MYLK4: variants seen among roughly 807,000 people sequenced by gnomAD.
MYLK4 encodes the protein caMLCK like.
Under a neutral mutation model 48.1 loss-of-function variants are expected in MYLK4, and 46 were observed. The ratio of observed to expected loss-of-function variants is 0.96; its 90% CI spans 0.75 to 1.22. MYLK4 has a LOEUF of 1.22. Ranked by LOEUF, MYLK4 falls within the 50% of genes most tolerant of loss-of-function variation. The pLI is 0.00. For synonymous variants in MYLK4, 170 were observed against 180.8 expected, an observed-to-expected ratio of 0.94 and a Z score of 0.48; for missense variants, 451 against 486.1, an observed-to-expected ratio of 0.93 and a Z score of 0.68.
intron 2 of MYLK4, chr6:2,744,026 G>T: frequency 2.5e-6 from 1 of 399,108 alleles, no homozygotes; most frequent in Non-Finnish European, 4.4e-6. Flanking sequence ...TCTTCTGAGT[G>T]TGAAGTCCAT....
chr6:2,682,757 A>T (rs946522096), intron 7 of MYLK4, among the ~76,000 whole-genome samples: 2 of 152,156 alleles, frequency 1.3e-5, no homozygotes. Flanking sequence ...TTTTCATTCT[A>T]AACTTTTAGG....
chr6:2,717,876 A>G (rs1369973498), intron 2 of MYLK4, among the ~76,000 whole-genome samples: 2 of 152,120 alleles, frequency 1.3e-5, no homozygotes, highest in Non-Finnish European at 2.9e-5. Context: ...ATTGTGTGAG[A>G]GATATAAGAA....
chr6:2,763,281 T>A, the MYLK4 span, among the ~76,000 whole-genome samples: 1 of 152,178 alleles, frequency 6.6e-6, no homozygotes, highest in Non-Finnish European at 1.5e-5. Context: ...CTCCCATTAA[T>A]TTCTGAACTG....
chr6:2,745,407 C>G (rs185466236), intron 2 of MYLK4, among the ~76,000 whole-genome samples: 1 of 152,152 alleles, frequency 6.6e-6, no homozygotes, highest in Admixed American at 6.5e-5. Context: ...CAGTAGCTAT[C>G]GAGCTCATCA....
intron 2 of MYLK4, among the ~76,000 whole-genome samples, chr6:2,702,683 G>A (rs189480809): frequency 5.3e-5 from 8 of 152,312 alleles, no homozygotes; most frequent in African/African-American, 1.9e-4. Context: ...AGTTGGGGAG[G>A]TGGTAGATGT....
At chr6:2,709,855 G>A (rs1042081163) in intron 2 of MYLK4, among the ~76,000 whole-genome samples, 1 of 152,152 alleles carries the variant, frequency 6.6e-6, no homozygotes, top group Non-Finnish European at 1.5e-5. Context: ...GAGGTGCTAG[G>A]ATTTGACAGC....
chr6:2,677,821 C>T (rs1761135273), intron 10 of MYLK4, among the ~76,000 whole-genome samples: 1 of 152,150 alleles, frequency 6.6e-6, no homozygotes. Context: ...CTACAAAGCA[C>T]TTGGCATGAT....
At chr6:2,675,222 A>C in intron 10 of MYLK4, 97 bp from the exon 11 acceptor site, 1 of 842,826 alleles carries the variant, frequency 1.2e-6, no homozygotes, top group Non-Finnish European at 2.0e-6. Context: ...TCGGGAGACC[A>C]GATGGCCGAA....
At chr6:2,731,421 G>C (rs953750933) in intron 2 of MYLK4, among the ~76,000 whole-genome samples, 2 of 152,170 alleles carry the variant, frequency 1.3e-5, no homozygotes, top group Admixed American at 6.5e-5. Context: ...GCTGCTGGAG[G>C]TGCTTCTCCC....
At chr6:2,705,022 C>T (rs982960162) in intron 2 of MYLK4, among the ~76,000 whole-genome samples, 4 of 152,174 alleles carry the variant, frequency 2.6e-5, no homozygotes, top group Non-Finnish European at 5.9e-5. Flanking sequence ...CACCGATTCT[C>T]GGGTGCTTTT....
At chr6:2,742,815 A>G (rs1346975067) in intron 2 of MYLK4, among the ~76,000 whole-genome samples, 5 of 151,706 alleles carry the variant, frequency 3.3e-5, no homozygotes, top group Non-Finnish European at 7.4e-5. Flanking sequence ...ACATGTATAC[A>G]TATGTAACAA....
At chr6:2,725,896 T>C (rs1171555943) in intron 2 of MYLK4, among the ~76,000 whole-genome samples, 1 of 152,244 alleles carries the variant, frequency 6.6e-6, no homozygotes, top group Non-Finnish European at 1.5e-5. Flanking sequence ...ATAATATACC[T>C]GATAACCGAT....
intron 2 of MYLK4, among the ~76,000 whole-genome samples, chr6:2,693,779 T>C (rs560747459): frequency 1.5e-5 from 2 of 137,550 alleles, no homozygotes; most frequent in East Asian, 4.4e-4. Flanking sequence ...TTTTTTGAGA[T>C]GGAGTTTCGC....
intron 2 of MYLK4, among the ~76,000 whole-genome samples, chr6:2,718,179 CAAAAAAAAA>C (rs10590230): frequency 7.5e-6 from 1 of 133,304 alleles, no homozygotes; most frequent in African/African-American, 2.8e-5. Flanking sequence ...AACTCTGTCT[CAAAAAAAAA>C]AAAAAAAAAA....
intron 2 of MYLK4, chr6:2,743,773 G>C: frequency 2.5e-6 from 1 of 395,900 alleles, no homozygotes; most frequent in Non-Finnish European, 4.4e-6. Context: ...CTGCCCCTAA[G>C]ACCAGGGCCC....
In MYLK4 at chr6:2,749,147, C is replaced by T. The variant is rs2296356; in HGVS notation, c.148G>A (p.Gly50Arg). The T allele has an allele frequency of 0.14, 232,128 of 1,611,970 alleles. 18,705 individuals are homozygous for T. Among genetic ancestry groups the T allele is most frequent in the East Asian group, 0.31 (13,853 of 44,848 alleles). ...KNSGDQDSRS[G>R]HNEAKEVWSN... ...TAGAACATGATTACCTCATTATGTC[C>T]AGATCTTGAATCCTGGTCCCCAGAA... is the stretch of plus-strand genomic sequence containing the variant. The change falls in exon 2 of 13, where the codon GGA becomes AGA. Residue 50 changes from glycine to arginine, a missense_variant. Gly to Arg is a moderately radical substitution (Grantham distance 125). Coordinates refer to ENST00000274643, the MANE Select transcript of MYLK4 (RefSeq NM_001012418.5).
chr6:2,694,517 G>GGCAGTA (rs1761958711), intron 2 of MYLK4, among the ~76,000 whole-genome samples: 2 of 1,504 alleles, frequency 1.3e-3, no homozygotes, highest in African/African-American at 2.8e-3. Flanking sequence ...TGGTGGCGGT[G>GGCAGTA]GTGGTGGTGG....
At chr6:2,709,717 T>C (rs1762607301) in intron 2 of MYLK4, among the ~76,000 whole-genome samples, 1 of 152,250 alleles carries the variant, frequency 6.6e-6, no homozygotes, top group Non-Finnish European at 1.5e-5. Context: ...AGCTTGCTAA[T>C]GTACGATCTC....
chr6:2,739,827 A>G (rs946979392), intron 2 of MYLK4, among the ~76,000 whole-genome samples: 1 of 152,230 alleles, frequency 6.6e-6, no homozygotes, highest in African/African-American at 2.4e-5. Flanking sequence ...AGCATTTTAC[A>G]TTTTACAAAG....
Sources: gnomAD v4.1 joint callset for allele counts (sites outside exome capture counted in the v4.1 genomes callset) on GRCh38, gnomAD v4.1.1 for gene constraint, MANE v1.5 for transcripts, NCBI Gene and HGNC (gene_info 2026-07-23, HGNC 2026-07-21) for gene names.